The following GNG4 variants were observed in gnomAD, a reference collection of about 807,000 sequenced individuals.
GNG4 encodes guanine nucleotide-binding protein G(I)/G(S)/G(O) subunit gamma-4.
In GNG4, 4 loss-of-function variants were observed where a neutral mutation model predicts 5.8. The ratio of observed to expected loss-of-function variants is 0.69; its 90% CI spans 0.34 to 1.57. The LOEUF (loss-of-function observed/expected upper bound fraction) is 1.57, where lower values mean the gene tolerates loss of function less well. GNG4 is among the 40% of genes most tolerant of loss of function. GNG4 has a pLI of 0.06. For synonymous variants in GNG4, 29 were observed against 32.9 expected (o/e 0.88, Z 0.41); for missense variants, 96 against 95.1 (o/e 1.01, Z -0.04).
chr1:235,639,431 A>G (rs1183075348), intron 1 of GNG4, among the ~76,000 whole-genome samples: 2 of 152,188 alleles, frequency 1.3e-5, no homozygotes, highest in African/African-American at 4.8e-5. Flanking sequence ...GCTGTGCCCC[A>G]ATAGTTCCAT....
At chr1:235,606,377 G>A (rs113897524) in intron 1 of GNG4, among the ~76,000 whole-genome samples, 3,612 of 152,036 alleles carry the variant, frequency 0.024, 90 homozygotes, top group African/African-American at 0.064. Flanking sequence ...GCAAGACTCC[G>A]TCTTAAAAAA....
chr1:235,649,181 G>A lies in GNG4; in HGVS notation c.-123+481C>T, dbSNP rs1003521164. On this transcript the variant is annotated intron_variant, in intron 1 of 3. Transcript: ENST00000391854. The surrounding 1 kb of genome is among the most constrained non-coding windows in gnomAD (Gnocchi z 5.7). ...CCCGAGGCGGCGTCTGGGCTGCTGG[G>A]GAGCCAGGAGGGCTTCCTCAGGCAC... Among the ~76,000 whole-genome samples the A allele has an allele frequency of 5.3e-5, 8 of 152,258 alleles. No individual in the cohort carries two copies. The East Asian group carries it at 1.2e-3, about 22-fold the overall frequency.
intron 1 of GNG4, among the ~76,000 whole-genome samples, chr1:235,599,052 C>T (rs974996637): frequency 3.9e-5 from 6 of 152,008 alleles, no homozygotes; most frequent in African/African-American, 1.2e-4. Flanking sequence ...AATGTGCAGC[C>T]GCGTTTGAGA....
chr1:235,561,329 T>C (rs1471965666), intron 3 of GNG4, among the ~76,000 whole-genome samples: 1 of 151,396 alleles, frequency 6.6e-6, no homozygotes, highest in Non-Finnish European at 1.5e-5. Context: ...TTTTTTAATG[T>C]GGTTGGTTGT....
At chr1:235,639,246 G>A (rs2102987572) in intron 1 of GNG4, among the ~76,000 whole-genome samples, 1 of 152,304 alleles carries the variant, frequency 6.6e-6, no homozygotes, top group East Asian at 1.9e-4. Context: ...TTAGAGGGTG[G>A]CCATCTTTGG....
intron 1 of GNG4, among the ~76,000 whole-genome samples, chr1:235,624,478 G>T (rs1182472708): frequency 6.6e-6 from 1 of 150,646 alleles, no homozygotes; most frequent in Non-Finnish European, 1.5e-5. Context: ...GAAAGTGACA[G>T]TTAGAGGAAA....
intron 1 of GNG4, among the ~76,000 whole-genome samples, chr1:235,635,555 G>A (rs1287787014): frequency 4.9e-5 from 1 of 20,308 alleles, no homozygotes; most frequent in African/African-American, 3.3e-4. Context: ...AGGCGTTTGA[G>A]TCATGGGGGT....
At chr1:235,588,189 G>C (rs1687871666) in intron 2 of GNG4, among the ~76,000 whole-genome samples, 2 of 152,222 alleles carry the variant, frequency 1.3e-5, no homozygotes, top group South Asian at 4.1e-4. Flanking sequence ...GCTTCCTGTG[G>C]GAAGGTCCCA....
intron 1 of GNG4, among the ~76,000 whole-genome samples, chr1:235,647,439 T>C (rs1657539869): frequency 1.3e-5 from 1 of 77,474 alleles, no homozygotes; most frequent in Admixed American, 1.1e-4. Context: ...AAAAATGTGA[T>C]AGTGAAATAA....
chr1:235,550,586 G>C lies in GNG4; in HGVS notation c.*1523C>G, dbSNP rs951204406. The C allele has an allele frequency of 1.3e-5, 2 of 152,226 alleles. No individual in the cohort carries two copies. The highest frequency in any genetic ancestry group is 3.9e-4 in the East Asian group (2 of 5,186). 9.4% of individuals were successfully genotyped at this position (152,226 alleles called of 1,614,324 possible). A position where few individuals can be genotyped will look rare whatever the true frequency, so the allele number is the denominator to read the frequency against. ...GGAGGCCAAGGTGGGCAGATCACTCGAGGCCAGTAGTTGGAGACCAGCCTG... is the reference window on the plus strand; with the variant it reads ...GGAGGCCAAGGTGGGCAGATCACTCCAGGCCAGTAGTTGGAGACCAGCCTG... On this transcript the variant is annotated 3_prime_UTR_variant, in exon 4 of 4. Coordinates refer to ENST00000391854, the MANE Select transcript of GNG4 (RefSeq NM_001098722.2).
In GNG4 at chr1:235,649,381, C is replaced by T. The variant is rs1657599213; in HGVS notation, c.-123+281G>A. Among the ~76,000 whole-genome samples, 1 of 152,190 alleles carries T rather than the reference C, an allele frequency of 6.6e-6. No individual in the cohort carries two copies. The highest frequency in any genetic ancestry group is 2.1e-4 in the South Asian group (1 of 4,832). On this transcript the variant is annotated intron_variant, in intron 1 of 3. Transcript: ENST00000391854. The surrounding 1 kb of genome is among the most constrained non-coding windows in gnomAD (Gnocchi z 5.7). ...TGCCTCATGCCGGAGGGACCGGGCGCCCCCAGCCCCGGAAGCCCCTGGACG... is the reference window on the plus strand; with the variant it reads ...TGCCTCATGCCGGAGGGACCGGGCGTCCCCAGCCCCGGAAGCCCCTGGACG...
chr1:235,587,105 CTG>C (rs1687776770), intron 2 of GNG4, among the ~76,000 whole-genome samples: 1 of 150,024 alleles, frequency 6.7e-6, no homozygotes, highest in African/African-American at 2.5e-5. Context: ...GGGCTCTGCA[CTG>C]TGTGTGAGGG....
intron 1 of GNG4, among the ~76,000 whole-genome samples, chr1:235,635,251 C>A (rs1349797037): frequency 6.6e-6 from 1 of 152,054 alleles, no homozygotes; most frequent in Non-Finnish European, 1.5e-5. Context: ...AATGTGATTC[C>A]TTTGGGAGGC....
chr1:235,613,510 G>C (rs1183415439), intron 1 of GNG4, among the ~76,000 whole-genome samples: 2 of 152,186 alleles, frequency 1.3e-5, no homozygotes, highest in African/African-American at 4.8e-5. Context: ...GTAAGTGAAA[G>C]AGTGAGGCAG....
rs559629400 is a variant in GNG4 at position 235,617,973 on chromosome 1, T to C, written c.-122-22462A>G. Among the ~76,000 whole-genome samples, 613 of 151,802 alleles carry C rather than the reference T, an allele frequency of 4.0e-3. 5 individuals carry two copies. The highest frequency in any genetic ancestry group is 0.014 in the African/African-American group (570 of 41,380). On this transcript the variant is annotated intron_variant, in intron 1 of 3. Coordinates refer to ENST00000391854, the MANE Select transcript of GNG4 (RefSeq NM_001098722.2). ...TCCCTAAAAGCACATTCTGAGCATA[T>C]TTCAGACATCTCTGTTAGAAGGCAG...
At chr1:235,602,240 C>T (rs1472353905) in intron 1 of GNG4, among the ~76,000 whole-genome samples, 1 of 152,118 alleles carries the variant, frequency 6.6e-6, no homozygotes, top group African/African-American at 2.4e-5. Context: ...CCATTGCACT[C>T]CAGCCTGGTC....
At chr1:235,636,749 C>G (rs2102986112) in intron 1 of GNG4, among the ~76,000 whole-genome samples, 1 of 152,244 alleles carries the variant, frequency 6.6e-6, no homozygotes, top group South Asian at 2.1e-4. Context: ...TGCGGATGCC[C>G]CAGTGTTGTA....
At chr1:235,618,803 G>A (rs897836435) in intron 1 of GNG4, among the ~76,000 whole-genome samples, 2 of 151,494 alleles carry the variant, frequency 1.3e-5, no homozygotes, top group African/African-American at 4.8e-5. Context: ...TTACAGGCAT[G>A]TGCCACCCCA....
intron 1 of GNG4, among the ~76,000 whole-genome samples, chr1:235,611,098 T>G (rs1204761683): frequency 6.7e-6 from 1 of 149,740 alleles, no homozygotes; most frequent in Non-Finnish European, 1.5e-5. Context: ...AAAGAAAAAA[T>G]AAAAAATAAA....
Sources: allele counts gnomAD v4.1 joint callset (sites outside exome capture counted in the v4.1 genomes callset), GRCh38; gene constraint gnomAD v4.1.1; non-coding constraint Gnocchi (gnomAD v3.1); transcripts MANE v1.5; gene names NCBI Gene and HGNC (gene_info 2026-07-23, HGNC 2026-07-21).